The following CACNA1B variants were observed in gnomAD, a reference collection of about 807,000 sequenced individuals.
CACNA1B encodes voltage-dependent N-type calcium channel subunit alpha-1B.
A neutral mutation model predicts 247.2 loss-of-function variants in CACNA1B; 70 were observed. That is an observed-to-expected ratio of 0.28 (90% CI 0.23 to 0.35). The LOEUF (loss-of-function observed/expected upper bound fraction) is 0.35, where lower values mean the gene tolerates loss of function less well. Ranked by LOEUF, CACNA1B falls within the 10% of genes least tolerant of loss-of-function variation. The probability of loss-of-function intolerance (pLI) is 1.00; values close to 1 mark genes in which losing one functional copy is unlikely to be tolerated. For missense variants in CACNA1B, 2,367 were observed against 3,197.4 expected, an observed-to-expected ratio of 0.74 and a Z score of 6.26; for synonymous variants, 1,231 against 1,294.4, an observed-to-expected ratio of 0.95 and a Z score of 1.05.
At position 138,100,329 on chromosome 9, in the gene CACNA1B, T is replaced by C. The variant is rs1157700819; in HGVS notation, c.5223-2382T>C. Among the ~76,000 whole-genome samples the C allele has an allele frequency of 6.6e-6, 1 of 152,038 alleles. No individual in the cohort carries two copies. Among genetic ancestry groups the C allele is most frequent in the African/African-American group, 2.4e-5 (1 of 41,400 alleles). ...CGCTTTGATTTTGCGTTGTAGACAG[T>C]GGGCTCAGTCCTTGCATCGAGGAGT... On this transcript the variant is annotated intron_variant, in intron 37 of 46. Coordinates refer to ENST00000371372, the MANE Select transcript of CACNA1B (RefSeq NM_000718.4). This position sits in a 1 kb window ranked among gnomAD's most constrained non-coding sequence, Gnocchi z 4.6.
chr9:138,023,132 C>A lies in CACNA1B; in HGVS notation c.2389C>A (p.Leu797Met). 6.5e-7 allele frequency: 1 copy of A among 1,536,982 alleles called. No individual in the cohort carries two copies. The highest frequency in any genetic ancestry group is 1.2e-5 in the South Asian group (1 of 83,636). ...CAGCGAGATGGACCCCGAGGAGCGG[C>A]TGCGCTTCGCCACTACGCGCCACCT... The part of the protein sequence containing the change: ...LYSEMDPEER[L>M]RFATTRHLRP... The change falls in exon 19 of 47, where the codon CTG (leucine) becomes ATG (methionine). Residue 797 changes from leucine (L) to methionine (M), a missense_variant. Physicochemically the swap from Leu to Met is conservative, Grantham distance 15. This residue lies in a region of CACNA1B where 631 missense variants were observed against 631.1 expected (regional missense o/e 1.00). Coordinates refer to ENST00000371372, the MANE Select transcript of CACNA1B (RefSeq NM_000718.4).
In CACNA1B at chr9:138,112,383, A is replaced by ATCC; in HGVS notation, c.5429-13_5429-12insCTC. 1 of 1,596,350 alleles carries ATCC rather than the reference A, an allele frequency of 6.3e-7. No individual in the cohort carries two copies. The highest frequency in any genetic ancestry group is 1.3e-5 in the African/African-American group (1 of 74,632). ...TCTCTGTCTTTTCCCCTTCCCCACC[A>ATCC]TCATCCTGGTGCAGCTGGGACAAAG... is the stretch of plus-strand genomic sequence containing the variant. On this transcript the variant is annotated splice_polypyrimidine_tract_variant and intron_variant, in intron 39 of 46. Coordinates refer to ENST00000371372, the MANE Select transcript of CACNA1B (RefSeq NM_000718.4).
chr9:138,000,990 G>T lies in CACNA1B; in HGVS notation c.1975-5777G>T, dbSNP rs552675345. On this transcript the variant is annotated intron_variant, in intron 15 of 46. Coordinates refer to ENST00000371372, the MANE Select transcript of CACNA1B (RefSeq NM_000718.4). Reference sequence around the variant, plus strand: ...TCTCCTTAAAAATATGCTTTTTACAGTCTTGTTATTTTGGTGTTTTTTTAT... The same window carrying T: ...TCTCCTTAAAAATATGCTTTTTACATTCTTGTTATTTTGGTGTTTTTTTAT... Among the ~76,000 whole-genome samples, 45 of 151,878 alleles carry T rather than the reference G, an allele frequency of 3.0e-4. 1 individual carries two copies. The South Asian group carries it at 7.3e-3, about 25-fold the overall frequency.
At chr9:138,075,680 T>C (rs758862841) in intron 34 of CACNA1B, 139 bp from the exon 35 acceptor site, 28 of 624,124 alleles carry the variant, frequency 4.5e-5, no homozygotes, top group Non-Finnish European at 7.6e-5. Context: ...CTCTCCCGGG[T>C]GGGAGTTCTC....
In CACNA1B at chr9:138,058,802, T is replaced by A; in HGVS notation, c.4473+69T>A. On this transcript the variant is annotated intron_variant, in intron 29 of 46. Coordinates refer to ENST00000371372, the MANE Select transcript of CACNA1B (RefSeq NM_000718.4). This position sits in a 1 kb window ranked among gnomAD's most constrained non-coding sequence, Gnocchi z 4.7. ...ATTGGGATCTAACCCTGAGGCTGAG[T>A]GGAGAGTCAGCCTTCTTCCTCCCTG... 1 of 1,415,888 alleles carries A rather than the reference T, an allele frequency of 7.1e-7. No individual in the cohort carries two copies. The highest frequency in any genetic ancestry group is 9.7e-7 in the Non-Finnish European group (1 of 1,030,050). The allele number at this position is 1,415,888 out of a possible 1,614,324, so 87.7% of individuals were successfully genotyped here. A position where few individuals can be genotyped will look rare whatever the true frequency, so the allele number is the denominator to read the frequency against.
At chr9:138,069,857 G>T (rs1960058876) in intron 32 of CACNA1B, 94 bp downstream of exon 32, 1 of 1,094,416 alleles carries the variant, frequency 9.1e-7, no homozygotes, top group East Asian at 2.4e-5. Flanking sequence ...CCAGCCCACT[G>T]CCCTCTAGGC....
chr9:137,996,576 C>G lies in CACNA1B; in HGVS notation c.1974+9722C>G, dbSNP rs527954096. On this transcript the variant is annotated intron_variant, in intron 15 of 46. Coordinates refer to ENST00000371372, the MANE Select transcript of CACNA1B (RefSeq NM_000718.4). ...TATGCTGCTTGGGTGATGGGTGCAC[C>G]AAAATCTCAGAGATAATCACTAAAG... is the stretch of plus-strand genomic sequence containing the variant. 1.2e-4 allele frequency among the ~76,000 whole-genome samples: 19 copies of G among 152,158 alleles called. No homozygotes were observed. In the East Asian group the frequency reaches 3.7e-3, roughly 29 times the overall value.
At chr9:137,940,074 A>G (rs1957715643) in intron 6 of CACNA1B, among the ~76,000 whole-genome samples, 1 of 152,106 alleles carries the variant, frequency 6.6e-6, no homozygotes, top group South Asian at 2.1e-4. Context: ...AACCAAGATC[A>G]GAGCAGAACT....
intron 18 of CACNA1B, among the ~76,000 whole-genome samples, chr9:138,013,729 G>A (rs1323563214): frequency 5.3e-5 from 8 of 152,344 alleles, no homozygotes; most frequent in Non-Finnish European, 5.9e-5. Context: ...CGAAAACTGC[G>A]TATTCCATAG....
chr9:137,925,707 G>A (rs1463400943), intron 6 of CACNA1B, among the ~76,000 whole-genome samples: 1 of 149,190 alleles, frequency 6.7e-6, no homozygotes, highest in South Asian at 2.1e-4. Flanking sequence ...TTTTTTTATT[G>A]TGCTAAAATA....
intron 12 of CACNA1B, among the ~76,000 whole-genome samples, chr9:137,980,567 G>A (rs2133376694): frequency 6.6e-6 from 1 of 152,320 alleles, no homozygotes; most frequent in Non-Finnish European, 1.5e-5. Flanking sequence ...TTTGTTACAT[G>A]GGTATATTGT....
At chr9:137,966,225 A>G (rs1309995876) in intron 10 of CACNA1B, among the ~76,000 whole-genome samples, 1 of 139,620 alleles carries the variant, frequency 7.2e-6, no homozygotes, top group African/African-American at 2.6e-5. Flanking sequence ...TGCCTTTTAA[A>G]TTTTTTTTTT....
At chr9:137,906,614 T>C (rs1351487146) in intron 3 of CACNA1B, among the ~76,000 whole-genome samples, 1 of 151,678 alleles carries the variant, frequency 6.6e-6, no homozygotes, top group Non-Finnish European at 1.5e-5. Flanking sequence ...TGTCTTAACA[T>C]ACATGTTCCC....
Position 138,073,429 on chromosome 9 carries a change from C to A in CACNA1B, c.4675-59C>A. ...GTGGGAAGAGGTTGTAGGGTGGCAGCAGCTTGCCTGCGCTTTCGGGGCTTC... is the reference window on the plus strand; with the variant it reads ...GTGGGAAGAGGTTGTAGGGTGGCAGAAGCTTGCCTGCGCTTTCGGGGCTTC... On this transcript the variant is annotated intron_variant, in intron 32 of 46. Coordinates refer to ENST00000371372, the MANE Select transcript of CACNA1B (RefSeq NM_000718.4). The surrounding 1 kb of genome is among the most constrained non-coding windows in gnomAD (Gnocchi z 6.4). 1 of 1,005,282 alleles carries A rather than the reference C, an allele frequency of 9.9e-7. No homozygotes were observed. The highest frequency in any genetic ancestry group is 1.6e-6 in the Non-Finnish European group (1 of 629,286). 62.3% of individuals were successfully genotyped at this position (1,005,282 alleles called of 1,614,324 possible). A position where few individuals can be genotyped will look rare whatever the true frequency, so the allele number is the denominator to read the frequency against.
chr9:137,904,441 A>C (rs941568017), intron 3 of CACNA1B, among the ~76,000 whole-genome samples: 10 of 136,050 alleles, frequency 7.4e-5, no homozygotes, highest in Admixed American at 1.7e-4. Flanking sequence ...ATCATGGCTC[A>C]CTGCAGCCTC....
chr9:137,945,738 T>C (rs1957788118), intron 6 of CACNA1B, among the ~76,000 whole-genome samples: 1 of 152,238 alleles, frequency 6.6e-6, no homozygotes, highest in Non-Finnish European at 1.5e-5. Flanking sequence ...TCTTGCATAA[T>C]TTCACTTTCA....
chr9:138,102,813 C>A lies in CACNA1B; in HGVS notation c.5319+6C>A, dbSNP rs200226511. ...CTGCTCGAGTTGCTTACAAGGTAGA[C>A]CCTGACCCTGCAACCCGCCCCCCAG... On this transcript the variant is annotated splice_donor_region_variant and intron_variant, in intron 38 of 46. Transcript: ENST00000371372. The surrounding 1 kb of genome is among the most constrained non-coding windows in gnomAD (Gnocchi z 5.4). 1 of 1,585,820 alleles carries A rather than the reference C, an allele frequency of 6.3e-7. No homozygotes were observed. Among genetic ancestry groups the A allele is most frequent in the Non-Finnish European group, 8.6e-7 (1 of 1,156,150 alleles).
In CACNA1B at chr9:138,013,236, G is replaced by GTT. The variant is rs1564238058; in HGVS notation, c.2267+2_2267+3insTT. ...CTGCCGCGAACATCTCCATCGCCGC[G>GTT]TAAGGCTCCTAGGAGTGGATTGTGG... On this transcript the variant is annotated splice_donor_variant, in intron 18 of 46. Coordinates refer to ENST00000371372, the MANE Select transcript of CACNA1B (RefSeq NM_000718.4). LOFTEE classifies it high-confidence loss of function. 1 of 1,585,970 alleles carries GTT rather than the reference G, an allele frequency of 6.3e-7. No individual in the cohort carries two copies. The highest frequency in any genetic ancestry group is 1.7e-5 in the Admixed American group (1 of 57,676).
chr9:138,053,719 T>C, intron 25 of CACNA1B, 127 bp from the exon 26 acceptor site: 1 of 408,678 alleles, frequency 2.4e-6, no homozygotes. Flanking sequence ...GGCCATGCCC[T>C]CCCACCTTGG....
Sources: allele counts gnomAD v4.1 joint callset (sites outside exome capture counted in the v4.1 genomes callset), GRCh38; gene constraint gnomAD v4.1.1; regional missense constraint gnomAD v4.1.1; non-coding constraint Gnocchi (gnomAD v3.1); transcripts MANE v1.5; gene names NCBI Gene and HGNC (gene_info 2026-07-23, HGNC 2026-07-21).